SNX30: variants seen among roughly 807,000 people sequenced by gnomAD.
The protein encoded by SNX30 is sorting nexin-30.
Under a neutral mutation model 46.4 loss-of-function variants are expected in SNX30, and 24 were observed. That is an observed-to-expected ratio of 0.52 (90% CI 0.37 to 0.73). The LOEUF (loss-of-function observed/expected upper bound fraction) is 0.73. Among genes scored for constraint, SNX30 ranks in the 30% least tolerant of loss-of-function variants. The pLI is 0.00. For missense variants in SNX30, 533 were observed against 555.7 expected, an observed-to-expected ratio of 0.96 and a Z score of 0.41; for synonymous variants, 189 against 211.5, an observed-to-expected ratio of 0.89 and a Z score of 0.92.
intron 4 of SNX30, among the ~76,000 whole-genome samples, chr9:112,834,419 A>G (rs988171020): frequency 2.0e-5 from 3 of 152,060 alleles, no homozygotes; most frequent in African/African-American, 7.2e-5. Flanking sequence ...AATTCACAGA[A>G]CTCAGAGAAA....
intron 1 of SNX30, among the ~76,000 whole-genome samples, chr9:112,753,855 T>C (rs1387402012): frequency 6.6e-6 from 1 of 152,238 alleles, no homozygotes; most frequent in East Asian, 1.9e-4. Context: ...ACGTATGGTC[T>C]CATAACTCTG....
At chr9:112,817,431 T>TTTTTTTTTTTTTTTTTTTTTTTTTTTTG (rs1840417906) in intron 2 of SNX30, among the ~76,000 whole-genome samples, 1 of 107,816 alleles carries the variant, frequency 9.3e-6, no homozygotes, top group African/African-American at 3.1e-5. Context: ...TTTTTTTTTT[T>TTTTTTTTTTTTTTTTTTTTTTTTTTTTG]GAGACGGAGT....
rs1841453716 is a variant in SNX30, at chr9:112,871,981, G to A, written c.*3138G>A. ...CCTGTTCACCTTAAAGTGTGATTAT[G>A]GAGATGATTGGCTCCATATTCCACC... On this transcript the variant is annotated 3_prime_UTR_variant, in exon 9 of 9. Transcript: ENST00000374232. 6.6e-6 allele frequency: 1 copy of A among 152,182 alleles called. No individual in the cohort carries two copies. The highest frequency in any genetic ancestry group is 1.5e-5 in the Non-Finnish European group (1 of 68,032). The allele number at this position is 152,182 out of a possible 1,614,324, so 9.4% of individuals were successfully genotyped here. A position where few individuals can be genotyped will look rare whatever the true frequency, so the allele number is the denominator to read the frequency against.
At chr9:112,773,368 T>C (rs985512014) in intron 1 of SNX30, among the ~76,000 whole-genome samples, 3 of 152,156 alleles carry the variant, frequency 2.0e-5, no homozygotes, top group South Asian at 4.1e-4. Flanking sequence ...CAACATACTT[T>C]ATATGGCTAC....
intron 2 of SNX30, among the ~76,000 whole-genome samples, chr9:112,807,111 A>ATGGAG (rs1263306263): frequency 1.1e-3 from 121 of 112,486 alleles, no homozygotes; most frequent in African/African-American, 3.6e-3. Flanking sequence ...GTCGCCCAGG[A>ATGGAG]TGGAGTGTAG....
At chr9:112,865,019 A>C in intron 8 of SNX30, among the ~76,000 whole-genome samples, 1 of 147,140 alleles carries the variant, frequency 6.8e-6, no homozygotes, top group South Asian at 2.2e-4. Context: ...ACACCCCACT[A>C]CCACCACCAC....
intron 2 of SNX30, among the ~76,000 whole-genome samples, chr9:112,806,871 T>A (rs764640875): frequency 6.6e-6 from 1 of 152,148 alleles, no homozygotes; most frequent in Non-Finnish European, 1.5e-5. Flanking sequence ...GTAATGTTGC[T>A]TTCCAATGTT....
At chr9:112,847,661 C>T (rs10817396) in intron 6 of SNX30, among the ~76,000 whole-genome samples, 116,195 of 152,060 alleles carry the variant, frequency 0.76, 44,969 homozygotes, top group South Asian at 0.86. Flanking sequence ...AAAGAATCAT[C>T]TGTCTTCTCT....
In SNX30 at chr9:112,804,819, G is replaced by C. The variant is rs374486505; in HGVS notation, c.200G>C (p.Ser67Thr). ...GGTGGTACTCCAGCAGGTACTTCAA[G>C]TCCAGCTTCTTCATCTTCCCTTCTC... is the stretch of plus-strand genomic sequence containing the variant. ...PNGGTPAGTS[S>T]PASSSSLLNR... Residue 67 changes from serine (S) to threonine (T), a missense_variant, in exon 2 of 9, where the codon AGT becomes ACT. Physicochemically the swap from Ser to Thr is moderately conservative, Grantham distance 58. Coordinates refer to ENST00000374232, the MANE Select transcript of SNX30 (RefSeq NM_001012994.2). 5 of 1,613,684 alleles carry C rather than the reference G, an allele frequency of 3.1e-6. No homozygotes were observed. The highest frequency in any genetic ancestry group is 4.2e-6 in the Non-Finnish European group (5 of 1,179,732).
chr9:112,791,433 C>G (rs1401108550), intron 1 of SNX30, among the ~76,000 whole-genome samples: 2 of 12,406 alleles, frequency 1.6e-4, no homozygotes, highest in Non-Finnish European at 3.3e-4. Context: ...TTTTTTGAGA[C>G]GGAGCCTTGC....
rs1323898650 is a variant in SNX30, at chr9:112,823,033, G to C, written c.459+5218G>C. Among the ~76,000 whole-genome samples, 3 of 152,282 alleles carry C rather than the reference G, an allele frequency of 2.0e-5. No individual in the cohort carries two copies. The East Asian group carries it at 5.8e-4, about 29-fold the overall frequency. On this transcript the variant is annotated intron_variant, in intron 3 of 8. Transcript: ENST00000374232. ...TTATTGTGAATCTCTTACTCTGCCT[G>C]ATTTGCAAACTAAATTTTACTATAG... is the stretch of plus-strand genomic sequence containing the variant.
chr9:112,763,162 A>G (rs866663953), intron 1 of SNX30, among the ~76,000 whole-genome samples: 1 of 141,300 alleles, frequency 7.1e-6, no homozygotes, highest in African/African-American at 2.6e-5. Context: ...GCTACAGTTT[A>G]TATATGTATA....
chr9:112,853,158 C>A (rs1308815081), intron 7 of SNX30, among the ~76,000 whole-genome samples: 1 of 133,754 alleles, frequency 7.5e-6, no homozygotes, highest in Non-Finnish European at 1.7e-5. Context: ...AGCAGGATCA[C>A]CCCTAGTGAT....
At chr9:112,819,068 A>T (rs995556789) in intron 3 of SNX30, among the ~76,000 whole-genome samples, 10 of 152,218 alleles carry the variant, frequency 6.6e-5, no homozygotes, top group African/African-American at 1.7e-4. Context: ...TTTTTAAAAA[A>T]TAAACTGCAT....
intron 7 of SNX30, among the ~76,000 whole-genome samples, chr9:112,862,713 A>G (rs1841257334): frequency 6.6e-6 from 1 of 151,838 alleles, no homozygotes; most frequent in African/African-American, 2.4e-5. Flanking sequence ...ACCAGCCTGG[A>G]CAACATAGCG....
intron 3 of SNX30, among the ~76,000 whole-genome samples, chr9:112,826,714 C>G (rs957963312): frequency 6.6e-6 from 1 of 152,166 alleles, no homozygotes; most frequent in South Asian, 2.1e-4. Context: ...ATCTGATGCT[C>G]TTACACCTGG....
intron 1 of SNX30, among the ~76,000 whole-genome samples, chr9:112,783,752 G>A (rs191396030): frequency 6.6e-6 from 1 of 152,304 alleles, no homozygotes; most frequent in East Asian, 1.9e-4. Context: ...AATGGACTAT[G>A]GTCAAGATTC....
intron 1 of SNX30, among the ~76,000 whole-genome samples, chr9:112,773,379 A>G (rs943798380): frequency 6.6e-5 from 10 of 152,132 alleles, no homozygotes; most frequent in African/African-American, 2.4e-4. Context: ...ATATGGCTAC[A>G]AAGAAGATTA....
intron 1 of SNX30, among the ~76,000 whole-genome samples, chr9:112,775,545 TGTGTG>T (rs1839732369): frequency 1.6e-5 from 1 of 64,448 alleles, no homozygotes; most frequent in South Asian, 4.9e-4. Flanking sequence ...TTTAAATTTG[TGTGTG>T]TGTGTGTGTG....
Sources: allele counts gnomAD v4.1 joint callset (sites outside exome capture counted in the v4.1 genomes callset), GRCh38; gene constraint gnomAD v4.1.1; transcripts MANE v1.5; gene names NCBI Gene and HGNC (gene_info 2026-07-23, HGNC 2026-07-21).